The following FAM168A variants were observed in gnomAD, a reference collection of about 807,000 sequenced individuals.
The protein encoded by FAM168A is protein FAM168A.
In FAM168A, 3 loss-of-function variants were observed where a neutral mutation model predicts 28.5. The ratio of observed to expected loss-of-function variants is 0.11; its 90% confidence interval spans 0.05 to 0.27. FAM168A has a LOEUF of 0.27. FAM168A is among the 10% of genes least tolerant of loss of function. FAM168A has a pLI of 1.00. For synonymous variants in FAM168A, 122 were observed against 124.2 expected, an observed-to-expected ratio of 0.98 and a Z score of 0.12; for missense variants, 222 against 311.5, an observed-to-expected ratio of 0.71 and a Z score of 2.16.
intron 1 of FAM168A, among the ~76,000 whole-genome samples, chr11:73,521,464 A>C (rs1943375340): frequency 6.6e-6 from 1 of 152,154 alleles, no homozygotes; most frequent in South Asian, 2.1e-4. Flanking sequence ...AGATTAGAAA[A>C]AAAAAACAAA....
At chr11:73,417,209 T>C (rs1037836103) in intron 4 of FAM168A, among the ~76,000 whole-genome samples, 2 of 152,200 alleles carry the variant, frequency 1.3e-5, no homozygotes, top group African/African-American at 4.8e-5. Flanking sequence ...TGGAAGACGC[T>C]GAGTACACAT....
At chr11:73,543,507 C>T (rs905288128) in intron 1 of FAM168A, among the ~76,000 whole-genome samples, 1 of 152,054 alleles carries the variant, frequency 6.6e-6, no homozygotes, top group Non-Finnish European at 1.5e-5. Flanking sequence ...GTGATCCACC[C>T]ACCTCGGTCT....
At chr11:73,563,097 A>G (rs752861564) in intron 1 of FAM168A, among the ~76,000 whole-genome samples, 3 of 152,198 alleles carry the variant, frequency 2.0e-5, no homozygotes, top group Non-Finnish European at 4.4e-5. Context: ...ACTCCAAGAA[A>G]AGACTCGAAA....
chr11:73,569,692 C>T (rs969736147), intron 1 of FAM168A, among the ~76,000 whole-genome samples: 2 of 151,850 alleles, frequency 1.3e-5, no homozygotes, highest in Non-Finnish European at 2.9e-5. Flanking sequence ...CGTGGTGATG[C>T]GCACCTGTGG....
chr11:73,423,240 G>A (rs1386767582), intron 3 of FAM168A, among the ~76,000 whole-genome samples: 5 of 152,038 alleles, frequency 3.3e-5, no homozygotes, highest in African/African-American at 4.8e-5. Context: ...AGCTCTCATC[G>A]TCTCTCATCT....
At chr11:73,407,911 GC>G (rs1387006426) in intron 6 of FAM168A, among the ~76,000 whole-genome samples, 4 of 152,102 alleles carry the variant, frequency 2.6e-5, no homozygotes, top group Non-Finnish European at 2.9e-5. Flanking sequence ...TCGCTCTGTC[GC>G]CCAGGCTGGA....
intron 1 of FAM168A, among the ~76,000 whole-genome samples, chr11:73,545,802 G>A (rs1168514360): frequency 6.8e-6 from 1 of 146,658 alleles, no homozygotes; most frequent in Non-Finnish European, 1.5e-5. Context: ...ACTTGCCCCA[G>A]CCTCCCAAAG....
chr11:73,580,449 A>T (rs1462346330), intron 1 of FAM168A: 4 of 620,862 alleles, frequency 6.4e-6, no homozygotes, highest in Non-Finnish European at 1.2e-5. Flanking sequence ...CAGGATGGGG[A>T]TAACCCTACA....
intron 1 of FAM168A, among the ~76,000 whole-genome samples, chr11:73,527,161 T>C (rs1311176001): frequency 1.3e-5 from 2 of 152,172 alleles, no homozygotes; most frequent in East Asian, 1.9e-4. Flanking sequence ...ATTGGAGGTT[T>C]TGAACTGCAA....
At chr11:73,489,181 C>G (rs1349629271) in intron 1 of FAM168A, among the ~76,000 whole-genome samples, 1 of 152,096 alleles carries the variant, frequency 6.6e-6, no homozygotes, top group African/African-American at 2.4e-5. Flanking sequence ...GCACCAGGCC[C>G]CAGCTACCAT....
chr11:73,507,445 G>A (rs1005026266), intron 1 of FAM168A, among the ~76,000 whole-genome samples: 2 of 152,252 alleles, frequency 1.3e-5, no homozygotes, highest in East Asian at 1.9e-4. Flanking sequence ...GTCCTACAAA[G>A]AGGGGAATAA....
At chr11:73,595,189 A>G (rs978356951) in intron 1 of FAM168A, among the ~76,000 whole-genome samples, 3 of 152,206 alleles carry the variant, frequency 2.0e-5, no homozygotes, top group African/African-American at 7.2e-5. Context: ...ACCTCAGAGT[A>G]AAGTTATGAG....
intron 1 of FAM168A, among the ~76,000 whole-genome samples, chr11:73,557,139 T>A (rs750143123): frequency 2.5e-4 from 38 of 152,244 alleles, no homozygotes; most frequent in Non-Finnish European, 4.6e-4. Flanking sequence ...GGTATATACA[T>A]ACAATGGAGT....
chr11:73,430,624 T>C, intron 3 of FAM168A, 66 bp downstream of exon 3: 2 of 1,461,254 alleles, frequency 1.4e-6, no homozygotes, highest in Non-Finnish European at 1.9e-6. Flanking sequence ...GCAAGTGGTT[T>C]TGCTTTTCCC....
chr11:73,533,298 G>A (rs114157804), intron 1 of FAM168A, among the ~76,000 whole-genome samples: 2,059 of 152,118 alleles, frequency 0.014, 45 homozygotes, highest in African/African-American at 0.045. Context: ...TGTCACTTAC[G>A]TGGAATTCAG....
At chr11:73,483,309 T>C (rs778647245) in intron 1 of FAM168A, among the ~76,000 whole-genome samples, 3 of 152,216 alleles carry the variant, frequency 2.0e-5, no homozygotes, top group Non-Finnish European at 4.4e-5. Context: ...ACTGTCCCTT[T>C]CCCAGGTCTA....
In FAM168A at chr11:73,487,457, C is replaced by T. The variant is rs559162971; in HGVS notation, c.-18-18965G>A. 7.9e-5 allele frequency among the ~76,000 whole-genome samples: 12 copies of T among 152,286 alleles called. No homozygotes were observed. The East Asian group carries it at 2.3e-3, about 29-fold the overall frequency. On this transcript the variant is annotated intron_variant, in intron 1 of 7. Transcript: ENST00000356467. ...AATCTCACATCATCAGATTCAACAT[C>T]ATCCCTCTTTGTAGCCATTTACTGC...
At chr11:73,585,179 T>C (rs1013527420) in intron 1 of FAM168A, among the ~76,000 whole-genome samples, 2 of 152,218 alleles carry the variant, frequency 1.3e-5, no homozygotes, top group Non-Finnish European at 2.9e-5. Flanking sequence ...AGACAAAACA[T>C]TATTCCTTCT....
chr11:73,492,264 A>G (rs963858254), intron 1 of FAM168A, among the ~76,000 whole-genome samples: 1 of 152,262 alleles, frequency 6.6e-6, no homozygotes, highest in Admixed American at 6.5e-5. Context: ...GCCACACATT[A>G]TAAATTAATC....
Sources: gnomAD v4.1 joint callset for allele counts (sites outside exome capture counted in the v4.1 genomes callset) on GRCh38, gnomAD v4.1.1 for gene constraint, MANE v1.5 for transcripts, NCBI Gene and HGNC (gene_info 2026-07-23, HGNC 2026-07-21) for gene names.